MAS1L: variants seen among roughly 807,000 people sequenced by gnomAD.
MAS1L encodes mas-related G protein-coupled receptor MRG.
For missense variants in MAS1L, 441 were observed against 460.1 expected, an observed-to-expected ratio of 0.96 and a Z score of 0.38; for synonymous variants, 160 against 182.9, an observed-to-expected ratio of 0.87 and a Z score of 1.01.
At position 29,487,479 on chromosome 6, in the gene MAS1L, C is replaced by T. The variant is rs755412096; in HGVS notation, c.424G>A (p.Val142Met). ...QVTLLTYHGV[V>M]FFIPDFLAIL... ...GCCAGGAAATCAGGGATAAAAAACACGACTCCATGATAAGTTAGCAGAGTC... is the reference window on the plus strand; with the variant it reads ...GCCAGGAAATCAGGGATAAAAAACATGACTCCATGATAAGTTAGCAGAGTC... The change falls in exon 1 of 1, where the codon GTG becomes ATG. Residue 142 changes from valine to methionine, a missense_variant. Physicochemically the swap from Val to Met is conservative, Grantham distance 21. Coordinates refer to ENST00000377127, the MANE Select transcript of MAS1L (RefSeq NM_052967.2). 12 of 1,613,984 alleles carry T rather than the reference C, an allele frequency of 7.4e-6. No individual in the cohort carries two copies. The highest frequency in any genetic ancestry group is 1.3e-5 in the African/African-American group (1 of 74,894).
rs1325996848 is a variant in MAS1L at position 29,487,019 on chromosome 6, G to A, written c.884C>T (p.Thr295Ile). ...LITDFKMFVT[T>I]SYLISLFLII... Reference sequence around the variant, plus strand: ...GAGGAACAAGGAAATTAAATAGGAGGTGGTGACAAACATTTTGAAATCTGT... The same window carrying A: ...GAGGAACAAGGAAATTAAATAGGAGATGGTGACAAACATTTTGAAATCTGT... Residue 295 changes from threonine to isoleucine, a missense_variant, in exon 1 of 1, where the codon ACC (threonine) becomes ATC (isoleucine). Thr to Ile is a moderately conservative substitution (Grantham distance 89). Coordinates refer to ENST00000377127, the MANE Select transcript of MAS1L (RefSeq NM_052967.2). The A allele has an allele frequency of 6.2e-7, 1 of 1,614,004 alleles. No homozygotes were observed. Among genetic ancestry groups the A allele is most frequent in the Admixed American group, 1.7e-5 (1 of 59,998 alleles).
Position 29,487,913 on chromosome 6 carries a change from G to A in MAS1L, c.-11C>T. 6.3e-7 allele frequency: 1 copy of A among 1,596,604 alleles called. No individual in the cohort carries two copies. The highest frequency in any genetic ancestry group is 1.1e-5 in the South Asian group (1 of 89,182). ...TTTCCCCCAGACCATGGGGTGCTGG[G>A]ACCTGAGTGGGCCACAACATCACAG... On this transcript the variant is annotated 5_prime_UTR_variant, in exon 1 of 1. Transcript: ENST00000377127.
chr6:29,487,252 A>T lies in MAS1L; in HGVS notation c.651T>A (p.His217Gln). Residue 217 changes from histidine (H) to glutamine (Q), a missense_variant, in exon 1 of 1, where the codon CAT becomes CAA. Physicochemically the swap from His to Gln is conservative, Grantham distance 24. Coordinates refer to ENST00000377127, the MANE Select transcript of MAS1L (RefSeq NM_052967.2). ...VKSLFLTYWK[H>Q]VKACVIFLKL... ...TTAGAAATATGACACATGCCTTTAC[A>T]TGTTTCCAGTAAGTTAGGAAAAGTG... 6.2e-7 allele frequency: 1 copy of T among 1,614,180 alleles called. No homozygotes were observed. The highest frequency in any genetic ancestry group is 8.5e-7 in the Non-Finnish European group (1 of 1,180,038).
At position 29,487,673 on chromosome 6, in the gene MAS1L, A is replaced by T; in HGVS notation, c.230T>A (p.Ile77Asn). The T allele has an allele frequency of 1.2e-6, 2 of 1,614,196 alleles. No homozygotes were observed. Among genetic ancestry groups the T allele is most frequent in the South Asian group, 2.2e-5 (2 of 91,090 alleles). The change falls in exon 1 of 1, where the codon ATC (isoleucine) becomes AAC (asparagine). Residue 77 changes from isoleucine (I) to asparagine (N), a missense_variant. Ile to Asn is a moderately radical substitution (Grantham distance 149). Coordinates refer to ENST00000377127, the MANE Select transcript of MAS1L (RefSeq NM_052967.2). The stretch of plus-strand genomic sequence containing the variant: ...GACCAGCACAGCCTTGGGGGCAATG[A>T]TATTCAAGGGCAGGGCCTGCTGTCC... Reference protein sequence around the residue: ...AVGQQALPLNIIAPKAVLVSL... With the variant: ...AVGQQALPLNNIAPKAVLVSL...
chr6:29,486,836 T>C lies in MAS1L; in HGVS notation c.1067A>G (p.Glu356Gly), dbSNP rs1473083302. 6.2e-7 allele frequency: 1 copy of C among 1,614,124 alleles called. No individual in the cohort carries two copies. Among genetic ancestry groups the C allele is most frequent in the Admixed American group, 1.7e-5 (1 of 60,020 alleles). ...NKKAAGIDPM[E>G]QPHSTQHVEN... is the part of the protein sequence containing the mutation. ...CACATGCTGAGTAGAGTGTGGTTGC[T>C]CCATTGGGTCGATGCCAGCTGCCTT... The change falls in exon 1 of 1, where the codon GAG (glutamate) becomes GGG (glycine). Residue 356 changes from glutamate (E) to glycine (G), a missense_variant. Physicochemically the swap from Glu to Gly is moderately conservative, Grantham distance 98. Coordinates refer to ENST00000377127, the MANE Select transcript of MAS1L (RefSeq NM_052967.2).
rs765545053 is a variant in MAS1L, at chr6:29,487,671, T to C, written c.232A>G (p.Ile78Val). 6.2e-7 allele frequency: 1 copy of C among 1,614,198 alleles called. No individual in the cohort carries two copies. The highest frequency in any genetic ancestry group is 8.5e-7 in the Non-Finnish European group (1 of 1,180,034). ...GAGACCAGCACAGCCTTGGGGGCAA[T>C]GATATTCAAGGGCAGGGCCTGCTGT... ...VGQQALPLNI[I>V]APKAVLVSLC... The change falls in exon 1 of 1, where the codon ATT becomes GTT. Residue 78 changes from isoleucine to valine, a missense_variant. Physicochemically the swap from Ile to Val is conservative, Grantham distance 29 (BLOSUM62 3). Transcript: ENST00000377127.
Position 29,487,116 on chromosome 6 carries a change from A to G in MAS1L, c.787T>C (p.Tyr263His). 6.2e-7 allele frequency: 1 copy of G among 1,614,132 alleles called. No homozygotes were observed. The highest frequency in any genetic ancestry group is 8.5e-7 in the Non-Finnish European group (1 of 1,179,992). The change falls in exon 1 of 1, where the codon TAT becomes CAT. Residue 263 changes from tyrosine to histidine, a missense_variant. Transcript: ENST00000377127. ...CSQQQKATRV[Y>H]AVVQISAPMF... Reference sequence around the variant, plus strand: ...GGGGCCGAGATCTGCACCACCGCATAGACCCTGGTGGCCTTTTGCTGCTGG... The same window carrying G: ...GGGGCCGAGATCTGCACCACCGCATGGACCCTGGTGGCCTTTTGCTGCTGG...
chr6:29,487,862 C>A lies in MAS1L; in HGVS notation c.41G>T (p.Gly14Val). The A allele has an allele frequency of 1.2e-6, 2 of 1,613,060 alleles. No homozygotes were observed. Among genetic ancestry groups the A allele is most frequent in the Non-Finnish European group, 1.7e-6 (2 of 1,179,858 alleles). ...GKICWFSQRA[G>V]WTVFAESQIS... Reference sequence around the variant, plus strand: ...CTGTGACTCAGCAAACACTGTCCATCCAGCCCTCTGGCTGAACCAGCAAAT... The same window carrying A: ...CTGTGACTCAGCAAACACTGTCCATACAGCCCTCTGGCTGAACCAGCAAAT... The change falls in exon 1 of 1, where the codon GGA becomes GTA. Residue 14 changes from glycine to valine, a missense_variant. By Grantham distance (109) the Gly-to-Val change is moderately radical. Transcript: ENST00000377127.
In MAS1L at chr6:29,487,224, G is replaced by T. The variant is rs758040425; in HGVS notation, c.679C>A (p.Leu227Ile). ...HVKACVIFLK[L>I]SGLFHAILSL... Reference sequence around the variant, plus strand: ...AGGATAGCATGGAAGAGCCCAGAAAGCTTTAGAAATATGACACATGCCTTT... The same window carrying T: ...AGGATAGCATGGAAGAGCCCAGAAATCTTTAGAAATATGACACATGCCTTT... The change falls in exon 1 of 1, where the codon CTT becomes ATT. Residue 227 changes from leucine (L) to isoleucine (I), a missense_variant. By Grantham distance (5) the Leu-to-Ile change is conservative. Coordinates refer to ENST00000377127, the MANE Select transcript of MAS1L (RefSeq NM_052967.2). The T allele has an allele frequency of 2.5e-6, 4 of 1,614,012 alleles. No homozygotes were observed. The African/African-American group carries it at 5.3e-5, about 22-fold the overall frequency.
Position 29,487,677 on chromosome 6 carries a change from T to A in MAS1L, c.226A>T (p.Asn76Tyr), listed in dbSNP as rs1239305967. 6.2e-7 allele frequency: 1 copy of A among 1,614,078 alleles called. No individual in the cohort carries two copies. Among genetic ancestry groups the A allele is most frequent in the African/African-American group, 1.3e-5 (1 of 74,938 alleles). ...AGCACAGCCTTGGGGGCAATGATAT[T>A]CAAGGGCAGGGCCTGCTGTCCCACT... is the stretch of plus-strand genomic sequence containing the variant. ...MAVGQQALPL[N>Y]IIAPKAVLVS... is the part of the protein sequence containing the mutation. Residue 76 changes from asparagine to tyrosine, a missense_variant, in exon 1 of 1, where the codon AAT becomes TAT. Transcript: ENST00000377127.
Position 29,487,376 on chromosome 6 carries a change from A to G in MAS1L, c.527T>C (p.Leu176Pro). 6.2e-7 allele frequency: 1 copy of G among 1,614,048 alleles called. No individual in the cohort carries two copies. Among genetic ancestry groups the G allele is most frequent in the Non-Finnish European group, 8.5e-7 (1 of 1,180,034 alleles). ...GTGGCATCTGTACCAGATGGGGAAG[A>G]GGACACACACACACCGCTCTGTGCT... The part of the protein sequence containing the change: ...AISTERCVCV[L>P]FPIWYRCHRP... The change falls in exon 1 of 1, where the codon CTC becomes CCC. Residue 176 changes from leucine to proline, a missense_variant. By Grantham distance (98) the Leu-to-Pro change is moderately conservative. Transcript: ENST00000377127.
rs760410780 is a variant in MAS1L at position 29,487,454 on chromosome 6, G to A, written c.449C>T (p.Ala150Val). 2 of 1,612,746 alleles carry A rather than the reference G, an allele frequency of 1.2e-6. No homozygotes were observed. Among genetic ancestry groups the A allele is most frequent in the East Asian group, 2.2e-5 (1 of 44,802 alleles). Residue 150 changes from alanine to valine, a missense_variant, in exon 1 of 1, where the codon GCC becomes GTC. Physicochemically the swap from Ala to Val is moderately conservative, Grantham distance 64 (BLOSUM62 0). Transcript: ENST00000377127. ...CTCAAAGGAGAAGGGAGACAATATG[G>A]CCAGGAAATCAGGGATAAAAAACAC... is the stretch of plus-strand genomic sequence containing the variant. ...GVVFFIPDFL[A>V]ILSPFSFEVC...
Position 29,487,596 on chromosome 6 carries a change from C to T in MAS1L, c.307G>A (p.Gly103Arg), listed in dbSNP as rs1220823376. The change falls in exon 1 of 1, where the codon GGG (glycine) becomes AGG (arginine). Residue 103 changes from glycine (G) to arginine (R), a missense_variant. By Grantham distance (125) the Gly-to-Arg change is moderately radical. Transcript: ENST00000377127. ...TATACCATGTAGGGATTCGTGGCCC[C>T]ACAGCAAAGCAGCCAGAAGACAGTG... ...NGTVFWLLCCGATNPYMVYIL... is the reference protein window; with the variant it reads ...NGTVFWLLCCRATNPYMVYIL... 1 of 1,614,062 alleles carries T rather than the reference C, an allele frequency of 6.2e-7. No individual in the cohort carries two copies. The highest frequency in any genetic ancestry group is 8.5e-7 in the Non-Finnish European group (1 of 1,180,046).
chr6:29,487,387 A>C lies in MAS1L; in HGVS notation c.516T>G (p.Cys172Trp), dbSNP rs773365760. ...CLLVAISTER[C>W]VCVLFPIWYR... is the part of the protein sequence containing the mutation. ...ACCAGATGGGGAAGAGGACACACAC[A>C]CACCGCTCTGTGCTGATGGCCACCA... The change falls in exon 1 of 1, where the codon TGT becomes TGG. Residue 172 changes from cysteine to tryptophan, a missense_variant. Coordinates refer to ENST00000377127, the MANE Select transcript of MAS1L (RefSeq NM_052967.2). 29 of 1,614,040 alleles carry C rather than the reference A, an allele frequency of 1.8e-5. No individual in the cohort carries two copies. The highest frequency in any genetic ancestry group is 2.5e-5 in the Non-Finnish European group (29 of 1,180,026).
In MAS1L at chr6:29,486,900, G is replaced by A. The variant is rs368893305; in HGVS notation, c.1003C>T (p.Arg335Trp). Residue 335 changes from arginine (R) to tryptophan (W), a missense_variant, in exon 1 of 1, where the codon CGG becomes TGG. Physicochemically the swap from Arg to Trp is moderately radical, Grantham distance 101. Coordinates refer to ENST00000377127, the MANE Select transcript of MAS1L (RefSeq NM_052967.2). ...ACCTCTGGCTTATCTGCTAACGCCC[G>A]TTGGAGAATCACTCTGAGAGATTCC... ...LKESLRVILQ[R>W]ALADKPEVGR... is the part of the protein sequence containing the mutation. 8.0e-5 allele frequency: 129 copies of A among 1,614,162 alleles called. No individual in the cohort carries two copies. The highest frequency in any genetic ancestry group is 6.4e-4 in the African/African-American group (48 of 75,038).
Position 29,487,915 on chromosome 6 carries a change from C to G in MAS1L, c.-13G>C. On this transcript the variant is annotated 5_prime_UTR_variant, in exon 1 of 1. Transcript: ENST00000377127. ...TCCCCCAGACCATGGGGTGCTGGGA[C>G]CTGAGTGGGCCACAACATCACAGTC... 1 of 1,594,134 alleles carries G rather than the reference C, an allele frequency of 6.3e-7. No homozygotes were observed. Among genetic ancestry groups the G allele is most frequent in the Non-Finnish European group, 8.5e-7 (1 of 1,172,266 alleles).
Position 29,487,373 on chromosome 6 carries a change from A to G in MAS1L, c.530T>C (p.Phe177Ser). The G allele has an allele frequency of 2.5e-6, 4 of 1,614,024 alleles. No homozygotes were observed. Among genetic ancestry groups the G allele is most frequent in the Non-Finnish European group, 3.4e-6 (4 of 1,180,028 alleles). Residue 177 changes from phenylalanine (F) to serine (S), a missense_variant, in exon 1 of 1, where the codon TTC becomes TCC. By Grantham distance (155) the Phe-to-Ser change is radical. Transcript: ENST00000377127. ...ISTERCVCVL[F>S]PIWYRCHRPK... ...GCGGTGGCATCTGTACCAGATGGGG[A>G]AGAGGACACACACACACCGCTCTGT...
rs2151481232 is a variant in MAS1L at position 29,487,817 on chromosome 6, A to C, written c.86T>G (p.Leu29Arg). Residue 29 changes from leucine to arginine, a missense_variant, in exon 1 of 1, where the codon CTT becomes CGT. Transcript: ENST00000377127. ...AESQISLSCS[L>R]CLHSGDQEAQ... The stretch of plus-strand genomic sequence containing the variant: ...CTCCTGGTCACCACTGTGGAGACAA[A>C]GGCTACATGAGAGAGATATCTGTGA... The C allele has an allele frequency of 6.2e-7, 1 of 1,614,194 alleles. No homozygotes were observed. Among genetic ancestry groups the C allele is most frequent in the East Asian group, 2.2e-5 (1 of 44,884 alleles).
rs370775152 is a variant in MAS1L at position 29,487,097 on chromosome 6, G to A, written c.806C>T (p.Ser269Leu). 70 of 1,613,938 alleles carry A rather than the reference G, an allele frequency of 4.3e-5. 1 individual carries two copies. The highest frequency in any genetic ancestry group is 4.0e-4 in the African/African-American group (30 of 74,892). Residue 269 changes from serine to leucine, a missense_variant, in exon 1 of 1, where the codon TCG (serine) becomes TTG (leucine). By Grantham distance (145) the Ser-to-Leu change is moderately radical. Coordinates refer to ENST00000377127, the MANE Select transcript of MAS1L (RefSeq NM_052967.2). ...ATRVYAVVQISAPMFLLWALP... is the reference protein window; with the variant it reads ...ATRVYAVVQILAPMFLLWALP... ...GGCCCAGAGTAGGAACATGGGGGCCGAGATCTGCACCACCGCATAGACCCT... is the reference window on the plus strand; with the variant it reads ...GGCCCAGAGTAGGAACATGGGGGCCAAGATCTGCACCACCGCATAGACCCT...
Sources: allele counts gnomAD v4.1 joint callset, GRCh38; gene constraint gnomAD v4.1.1; transcripts MANE v1.5; gene names NCBI Gene and HGNC (gene_info 2026-07-23, HGNC 2026-07-21).